WDR11: variants seen among roughly 807,000 people sequenced by gnomAD.
WDR11 encodes WD repeat domain 11, also known as WD repeat-containing protein 11.
A neutral mutation model predicts 151.2 loss-of-function variants in WDR11; 83 were observed. The observed-to-expected ratio is 0.55, with a 90% CI of 0.46 to 0.66. The LOEUF (loss-of-function observed/expected upper bound fraction) is 0.66, where lower values mean the gene tolerates loss of function less well. WDR11 is among the 30% of genes least tolerant of loss of function. The pLI, the probability that WDR11 is intolerant of heterozygous loss-of-function variation, is 0.00. For synonymous variants in WDR11, 484 were observed against 533.1 expected (o/e 0.91, Z 1.27); for missense variants, 1,301 against 1,480.9 (o/e 0.88, Z 1.99).
intron 11 of WDR11, among the ~76,000 whole-genome samples, chr10:120,876,072 G>A (rs982640772): frequency 5.5e-5 from 8 of 145,652 alleles, no homozygotes; most frequent in East Asian, 2.1e-4. Flanking sequence ...TCTGTCTCCC[G>A]GGTTCAAGCA....
Position 120,866,658 on chromosome 10 carries a change from G to A in WDR11, c.1084G>A (p.Val362Met), listed in dbSNP as rs1846323704. The change falls in exon 8 of 29, where the codon GTG becomes ATG. Residue 362 changes from valine (V) to methionine (M), a missense_variant. Physicochemically the swap from Val to Met is conservative, Grantham distance 21 (BLOSUM62 1). Coordinates refer to ENST00000263461, the MANE Select transcript of WDR11 (RefSeq NM_018117.12). The stretch of plus-strand genomic sequence containing the variant: ...AAAAACCGTCCGTCCCTTCAGTATG[G>A]TGTGCTGTCCTGTCAATGAGAATGC... ...VTKTVRPFSM[V>M]CCPVNENAAA... The A allele has an allele frequency of 6.2e-7, 1 of 1,614,060 alleles. No homozygotes were observed.
intron 2 of WDR11, 69 bp downstream of exon 2, chr10:120,852,704 C>A: frequency 7.6e-7 from 1 of 1,322,612 alleles, no homozygotes; most frequent in Admixed American, 1.8e-5. Flanking sequence ...TATCACTAAG[C>A]TCTCATTAAG....
chr10:120,861,068 A>G (rs1424733331), intron 4 of WDR11, among the ~76,000 whole-genome samples: 1 of 152,116 alleles, frequency 6.6e-6, no homozygotes, highest in Non-Finnish European at 1.5e-5. Flanking sequence ...AGAATGGGGG[A>G]TGAGGGCATG....
At chr10:120,899,982 A>C in intron 19 of WDR11, 47 bp from the exon 20 acceptor site, 1 of 1,481,714 alleles carries the variant, frequency 6.7e-7, no homozygotes, top group Non-Finnish European at 9.4e-7. Flanking sequence ...GCTTCACTGT[A>C]GTATAAAACT....
At chr10:120,874,192 TGTTGTTGTTGTTGTTGTTTGTTTTG>T (rs1846663586) in intron 11 of WDR11, among the ~76,000 whole-genome samples, 133 of 117,322 alleles carry the variant, frequency 1.1e-3, no homozygotes, top group Middle Eastern at 4.4e-3. Flanking sequence ...TTTTTTTTTT[TGTTGTTGTTGTTGTTGTTTGTTTTG>T]TTTTGTTTTG....
At chr10:120,886,863 A>C (rs1225346221) in intron 16 of WDR11, 27 bp downstream of exon 16, 3 of 1,612,916 alleles carry the variant, frequency 1.9e-6, no homozygotes, top group Admixed American at 3.3e-5. Flanking sequence ...TTAAATCTTC[A>C]TCAAGAAGAT....
chr10:120,903,015 T>C lies in WDR11; in HGVS notation c.2754-40T>C, dbSNP rs1170337126. 9.9e-6 allele frequency: 16 copies of C among 1,608,696 alleles called. No individual in the cohort carries two copies. In the Admixed American group the frequency reaches 2.3e-4, roughly 24 times the overall value. ...ACTCTAGGAAGCCATCCAGGCCAGG[T>C]GTGCTGAGTGCAGTCAAAACTTTGC... On this transcript the variant is annotated intron_variant, in intron 22 of 28. Coordinates refer to ENST00000263461, the MANE Select transcript of WDR11 (RefSeq NM_018117.12).
rs1279481126 is a variant in WDR11, at chr10:120,871,037, C to T, written c.1295-133C>T. 6 of 887,140 alleles carry T rather than the reference C, an allele frequency of 6.8e-6. No homozygotes were observed. The East Asian group carries it at 7.9e-5, about 12-fold the overall frequency. 55.0% of individuals were successfully genotyped at this position (887,140 alleles called of 1,614,324 possible). A position where few individuals can be genotyped will look rare whatever the true frequency, so the allele number is the denominator to read the frequency against. ...AGAGTCATTGTGTCCTTAATAACTACAGCCACTAAAGTACTACATTAACTA... is the reference window on the plus strand; with the variant it reads ...AGAGTCATTGTGTCCTTAATAACTATAGCCACTAAAGTACTACATTAACTA... On this transcript the variant is annotated intron_variant, in intron 9 of 28. Transcript: ENST00000263461.
chr10:120,905,334 T>C lies in WDR11; in HGVS notation c.3209T>C (p.Leu1070Pro). ...NGKLAEGVQL[L>P]CLIDKAADAC... ...TGTCTTTCAGAGGGCGTTCAGTTGC[T>C]CTGCCTGATAGATAAGGCTGCAGAC... is the stretch of plus-strand genomic sequence containing the variant. Residue 1070 changes from leucine (L) to proline (P), a missense_variant, in exon 26 of 29, where the codon CTC becomes CCC. Coordinates refer to ENST00000263461, the MANE Select transcript of WDR11 (RefSeq NM_018117.12). 4.3e-6 allele frequency: 7 copies of C among 1,614,114 alleles called. No individual in the cohort carries two copies. Among genetic ancestry groups the C allele is most frequent in the Non-Finnish European group, 5.9e-6 (7 of 1,180,026 alleles).
intron 3 of WDR11, 38 bp downstream of exon 3, chr10:120,858,834 A>T (rs376004294): frequency 6.2e-7 from 1 of 1,613,528 alleles, no homozygotes; most frequent in Non-Finnish European, 8.5e-7. Flanking sequence ...GTATATTGAT[A>T]CACTTACTCT....
chr10:120,874,051 C>A, intron 11 of WDR11, 128 bp downstream of exon 11: 1 of 679,892 alleles, frequency 1.5e-6, no homozygotes, highest in South Asian at 1.6e-5. Context: ...GAATAATATT[C>A]ATGTCCAACT....
At chr10:120,869,682 A>C (rs1287747325) in intron 9 of WDR11, among the ~76,000 whole-genome samples, 1 of 152,220 alleles carries the variant, frequency 6.6e-6, no homozygotes, top group Non-Finnish European at 1.5e-5. Flanking sequence ...CTTATGAAAA[A>C]TACTTGAAGA....
chr10:120,890,708 T>C lies in WDR11; in HGVS notation c.2344-8T>C. 3 of 1,614,182 alleles carry C rather than the reference T, an allele frequency of 1.9e-6. No homozygotes were observed. The highest frequency in any genetic ancestry group is 1.3e-5 in the African/African-American group (1 of 75,044). On this transcript the variant is annotated splice_polypyrimidine_tract_variant and splice_region_variant and intron_variant, in intron 18 of 28. Coordinates refer to ENST00000263461, the MANE Select transcript of WDR11 (RefSeq NM_018117.12). Reference sequence around the variant, plus strand: ...GTCTGGAAGTGATGCCCAAATTCACTCTTGAAGGTTCAGATGGTGAGCAGT... The same window carrying C: ...GTCTGGAAGTGATGCCCAAATTCACCCTTGAAGGTTCAGATGGTGAGCAGT...
chr10:120,867,925 C>A (rs953473410), intron 9 of WDR11, among the ~76,000 whole-genome samples: 1 of 152,030 alleles, frequency 6.6e-6, no homozygotes, highest in Non-Finnish European at 1.5e-5. Flanking sequence ...AATTATGAGG[C>A]CAGTATGTAT....
chr10:120,869,001 A>C (rs537323018), intron 9 of WDR11, among the ~76,000 whole-genome samples: 1 of 152,278 alleles, frequency 6.6e-6, no homozygotes, highest in East Asian at 1.9e-4. Context: ...ACTTAAAGTG[A>C]AAAGAATTAT....
intron 19 of WDR11, among the ~76,000 whole-genome samples, chr10:120,898,342 G>A (rs932036705): frequency 1.3e-5 from 2 of 152,120 alleles, no homozygotes; most frequent in African/African-American, 4.8e-5. Context: ...TGAAAAAGTA[G>A]GCATGTATTC....
At position 120,866,572 on chromosome 10, in the gene WDR11, C is replaced by A; in HGVS notation, c.998C>A (p.Pro333Gln). ...TTTAAAACAATTTTATGTGAAGATC[C>A]AGATCCAGTTCAGGAGCTTACCTAT... Reference protein sequence around the residue: ...IFTTSNEEPDPDPVQELTYDL... With the variant: ...IFTTSNEEPDQDPVQELTYDL... Residue 333 changes from proline to glutamine, a missense_variant, in exon 8 of 29, where the codon CCA (proline) becomes CAA (glutamine). Pro to Gln is a moderately conservative substitution (Grantham distance 76). This residue lies in a region of WDR11 where 692 missense variants were observed against 762.5 expected (regional missense o/e 0.91). Transcript: ENST00000263461. 6.2e-7 allele frequency: 1 copy of A among 1,614,016 alleles called. No individual in the cohort carries two copies. Among genetic ancestry groups the A allele is most frequent in the Non-Finnish European group, 8.5e-7 (1 of 1,180,002 alleles).
chr10:120,882,155 G>A (rs55684113), intron 13 of WDR11, among the ~76,000 whole-genome samples: 9,348 of 151,992 alleles, frequency 0.062, 971 homozygotes, highest in African/African-American at 0.21. Context: ...TCACTAATAT[G>A]GTGAATTACA....
chr10:120,903,466 C>T (rs1383133080), intron 23 of WDR11, among the ~76,000 whole-genome samples: 4 of 150,244 alleles, frequency 2.7e-5, no homozygotes, highest in African/African-American at 7.4e-5. Flanking sequence ...GCTGAGATCA[C>T]GCCACTGCAT....
Sources: allele counts gnomAD v4.1 joint callset (sites outside exome capture counted in the v4.1 genomes callset), GRCh38; gene constraint gnomAD v4.1.1; regional missense constraint gnomAD v4.1.1; transcripts MANE v1.5; gene names NCBI Gene and HGNC (gene_info 2026-07-23, HGNC 2026-07-21).